GABRB1: variants seen among roughly 807,000 people sequenced by gnomAD.
GABRB1 encodes the protein gamma-aminobutyric acid receptor subunit beta-1.
In GABRB1, 17 loss-of-function variants were observed where a neutral mutation model predicts 51.6. The observed-to-expected ratio is 0.33, with a 90% CI of 0.23 to 0.49. The LOEUF (loss-of-function observed/expected upper bound fraction) is 0.49, where lower values mean the gene tolerates loss of function less well. Ranked by LOEUF, GABRB1 falls within the 20% of genes least tolerant of loss-of-function variation. GABRB1 has a pLI of 0.99. For synonymous variants in GABRB1, 247 were observed against 218.9 expected, an observed-to-expected ratio of 1.13 and a Z score of -1.14; for missense variants, 410 against 600.6, an observed-to-expected ratio of 0.68 and a Z score of 3.32.
chr4:46,996,709 A>G (rs1224112750), intron 1 of GABRB1, among the ~76,000 whole-genome samples: 2 of 152,176 alleles, frequency 1.3e-5, no homozygotes, highest in African/African-American at 2.4e-5. Flanking sequence ...CCCCATTGCC[A>G]GTTTCTATAG....
chr4:47,056,772 C>T (rs780213497), intron 3 of GABRB1, among the ~76,000 whole-genome samples: 27 of 152,008 alleles, frequency 1.8e-4, no homozygotes, highest in Non-Finnish European at 3.5e-4. Context: ...GAGAAATGAG[C>T]GAAAGAGACA....
intron 4 of GABRB1, among the ~76,000 whole-genome samples, chr4:47,318,824 ACGGTCCTCCC>A (rs1185859961): frequency 6.6e-6 from 1 of 152,172 alleles, no homozygotes; most frequent in Non-Finnish European, 1.5e-5. Flanking sequence ...TAAAAATGTA[ACGGTCCTCCC>A]CATAAAGTGT....
intron 3 of GABRB1, among the ~76,000 whole-genome samples, chr4:47,137,577 C>T (rs1156452113): frequency 4.6e-5 from 7 of 151,986 alleles, no homozygotes; most frequent in African/African-American, 1.7e-4. Context: ...CTCTTTAGTT[C>T]AAAATATTTA....
intron 3 of GABRB1, among the ~76,000 whole-genome samples, chr4:47,131,021 C>T (rs1716390715): frequency 6.6e-6 from 1 of 152,200 alleles, no homozygotes; most frequent in Non-Finnish European, 1.5e-5. Flanking sequence ...GCAAAACCAT[C>T]TCTAAATATA....
At chr4:47,352,049 C>T (rs1201083942) in intron 5 of GABRB1, among the ~76,000 whole-genome samples, 1 of 152,188 alleles carries the variant, frequency 6.6e-6, no homozygotes, top group East Asian at 1.9e-4. Flanking sequence ...GTTCCTATTT[C>T]TCCACATCCT....
At chr4:47,333,348 A>C (rs889374834) in intron 5 of GABRB1, among the ~76,000 whole-genome samples, 3 of 151,594 alleles carry the variant, frequency 2.0e-5, no homozygotes, top group African/African-American at 7.3e-5. Context: ...CCACTTTAGC[A>C]ACATTCTCTG....
At chr4:47,425,477 T>TGATGATAGATA (rs1560380483) in intron 8 of GABRB1, among the ~76,000 whole-genome samples, 197 bp from the exon 9 acceptor site, 2 of 94,030 alleles carry the variant, frequency 2.1e-5, no homozygotes, top group African/African-American at 3.9e-5. Flanking sequence ...GGATGGATGA[T>TGATGATAGATA]GATGATAGAT....
At chr4:47,380,768 T>A (rs1429270458) in intron 5 of GABRB1, among the ~76,000 whole-genome samples, 1 of 152,214 alleles carries the variant, frequency 6.6e-6, no homozygotes, top group Non-Finnish European at 1.5e-5. Context: ...TCAATGAAGA[T>A]TGGGAATGAG....
chr4:47,311,052 C>G (rs1372291416), intron 4 of GABRB1, among the ~76,000 whole-genome samples: 3 of 95,262 alleles, frequency 3.1e-5, no homozygotes, highest in African/African-American at 1.3e-4. Flanking sequence ...CAGAGAGCAA[C>G]TCTGTCTCAA....
chr4:47,379,090 C>T (rs150804669), intron 5 of GABRB1, among the ~76,000 whole-genome samples: 11 of 152,274 alleles, frequency 7.2e-5, no homozygotes, highest in African/African-American at 2.4e-4. Flanking sequence ...AACTATTCTG[C>T]CAATTCCCAT....
At chr4:47,101,860 A>G (rs566336430) in intron 3 of GABRB1, among the ~76,000 whole-genome samples, 1 of 152,148 alleles carries the variant, frequency 6.6e-6, no homozygotes, top group Non-Finnish European at 1.5e-5. Context: ...TGGCATGCTT[A>G]TTTCAGAAAG....
Position 47,187,649 on chromosome 4 carries a change from G to A in GABRB1, c.461+26180G>A, listed in dbSNP as rs1359701714. On this transcript the variant is annotated intron_variant, in intron 4 of 8. Transcript: ENST00000295454. ...TCCACAGTCTGTTAGATATAGAGAA[G>A]TTAAACCGTGTCACTCCTCTTCTAA... is the stretch of plus-strand genomic sequence containing the variant. 3.3e-5 allele frequency among the ~76,000 whole-genome samples: 5 copies of A among 151,970 alleles called. No homozygotes were observed. The East Asian group carries it at 9.7e-4, about 29-fold the overall frequency.
At chr4:47,144,896 A>G (rs772924573) in intron 3 of GABRB1, among the ~76,000 whole-genome samples, 27 of 151,928 alleles carry the variant, frequency 1.8e-4, no homozygotes, top group Admixed American at 1.3e-4. Flanking sequence ...GATCATGACC[A>G]CGCATGCCAA....
chr4:47,055,203 G>T (rs1392251408), intron 3 of GABRB1, among the ~76,000 whole-genome samples: 1 of 152,144 alleles, frequency 6.6e-6, no homozygotes, highest in African/African-American at 2.4e-5. Context: ...TAATTTAATT[G>T]TTTGTCGAAA....
chr4:47,071,637 A>T (rs1285672771), intron 3 of GABRB1, among the ~76,000 whole-genome samples: 11 of 144,104 alleles, frequency 7.6e-5, no homozygotes, highest in South Asian at 4.3e-4. Flanking sequence ...ACATGTACTT[A>T]TTTTTTTTTC....
At position 47,349,743 on chromosome 4, in the gene GABRB1, G is replaced by C. The variant is rs558262357; in HGVS notation, c.544+29534G>C. The stretch of plus-strand genomic sequence containing the variant: ...GAAAAAAATACACATGTACGCCCAT[G>C]CGGATTTGTCTCATTAATAAGATTT... On this transcript the variant is annotated intron_variant, in intron 5 of 8. Transcript: ENST00000295454. 1.4e-4 allele frequency among the ~76,000 whole-genome samples: 22 copies of C among 152,308 alleles called. 1 individual carries two copies. Among genetic ancestry groups the C allele is most frequent in the Admixed American group, 1.4e-3 (22 of 15,308 alleles).
intron 5 of GABRB1, among the ~76,000 whole-genome samples, chr4:47,396,554 A>G (rs528552012): frequency 6.6e-6 from 1 of 152,184 alleles, no homozygotes; most frequent in Non-Finnish European, 1.5e-5. Context: ...AATTTCTTTA[A>G]TGATTAATTT....
chr4:47,201,528 A>G (rs934331203), intron 4 of GABRB1, among the ~76,000 whole-genome samples: 5 of 152,152 alleles, frequency 3.3e-5, no homozygotes, highest in African/African-American at 1.2e-4. Context: ...AATTATATAG[A>G]ACATACCCAT....
Position 47,258,220 on chromosome 4 carries a change from A to G in GABRB1, c.462-61907A>G, listed in dbSNP as rs1442092. ...AACTAAAGTTAAAGTACATAAAATC[A>G]TCAGAAAACAGATGGATGTTCAACT... is the stretch of plus-strand genomic sequence containing the variant. On this transcript the variant is annotated intron_variant, in intron 4 of 8. Transcript: ENST00000295454. Among the ~76,000 whole-genome samples, 1,404 of 152,284 alleles carry G rather than the reference A, an allele frequency of 9.2e-3. 26 individuals are homozygous for G. The highest frequency in any genetic ancestry group is 0.032 in the African/African-American group (1,338 of 41,554).
Sources: gnomAD v4.1 joint callset for allele counts (sites outside exome capture counted in the v4.1 genomes callset) on GRCh38, gnomAD v4.1.1 for gene constraint, MANE v1.5 for transcripts, NCBI Gene and HGNC (gene_info 2026-07-23, HGNC 2026-07-21) for gene names.